DAB1: variants seen among roughly 807,000 people sequenced by gnomAD.
The protein encoded by DAB1 is disabled homolog 1.
A neutral mutation model predicts 64.6 loss-of-function variants in DAB1; 15 were observed. The observed-to-expected ratio is 0.23, with a 90% CI of 0.16 to 0.36. The LOEUF (loss-of-function observed/expected upper bound fraction) is 0.36, where lower values mean the gene tolerates loss of function less well. Among genes scored for constraint, DAB1 ranks in the 10% least tolerant of loss-of-function variants. The probability of loss-of-function intolerance (pLI) is 1.00; values close to 1 mark genes in which losing one functional copy is unlikely to be tolerated. For missense variants in DAB1, 596 were observed against 706.7 expected, an observed-to-expected ratio of 0.84 and a Z score of 1.78; for synonymous variants, 235 against 251.9, an observed-to-expected ratio of 0.93 and a Z score of 0.64.
intron 5 of DAB1, among the ~76,000 whole-genome samples, chr1:58,129,134 A>C (rs908026775): frequency 1.3e-5 from 2 of 150,484 alleles, no homozygotes; most frequent in Non-Finnish European, 1.5e-5. Flanking sequence ...ACAATTTCAG[A>C]TCCTGTTATT....
intron 1 of DAB1, among the ~76,000 whole-genome samples, chr1:57,355,393 C>T (rs768274007): frequency 6.6e-6 from 1 of 151,396 alleles, no homozygotes; most frequent in African/African-American, 2.4e-5. Flanking sequence ...TCCTTCCTTC[C>T]GTCCTTCCGT....
chr1:58,255,381 T>C (rs947300585), intron 4 of DAB1, among the ~76,000 whole-genome samples: 19 of 152,056 alleles, frequency 1.2e-4, no homozygotes, highest in African/African-American at 3.9e-4. Context: ...TTCTTTTCTA[T>C]TGATGATGTC....
rs1644260226 is a variant in DAB1 at position 57,498,975 on chromosome 1, G to A, written n.625+150617C>T. On this transcript the variant is annotated intron_variant and non_coding_transcript_variant, in intron 7 of 20. Coordinates refer to the DAB1 transcript ENST00000485760. ...GCAGATGCCATTAGGTTTATATGGTGTTTTGTTTTGTTTTGTTTTGAGATG... is the reference window on the plus strand; with the variant it reads ...GCAGATGCCATTAGGTTTATATGGTATTTTGTTTTGTTTTGTTTTGAGATG... 1.3e-5 allele frequency among the ~76,000 whole-genome samples: 2 copies of A among 151,924 alleles called. 1 individual carries two copies. Among genetic ancestry groups the A allele is most frequent in the South Asian group, 4.2e-4 (2 of 4,818 alleles).
chr1:58,492,383 A>C (rs1463478823), intron 3 of DAB1, among the ~76,000 whole-genome samples: 1 of 151,806 alleles, frequency 6.6e-6, no homozygotes, highest in African/African-American at 2.4e-5. Context: ...ACACATTCAA[A>C]AGCTAGCAGA....
chr1:58,033,619 C>A (rs893488993), intron 5 of DAB1, among the ~76,000 whole-genome samples: 2 of 152,194 alleles, frequency 1.3e-5, no homozygotes, highest in African/African-American at 4.8e-5. Context: ...CATCTGACTT[C>A]TTCAAAGGTA....
chr1:58,494,349 T>A (rs1247838189), intron 3 of DAB1, among the ~76,000 whole-genome samples: 1 of 152,062 alleles, frequency 6.6e-6, no homozygotes, highest in Non-Finnish European at 1.5e-5. Flanking sequence ...ATTCAGGACA[T>A]AGGCATGGGC....
At chr1:57,138,479 T>G (rs1026507206) in intron 3 of DAB1, among the ~76,000 whole-genome samples, 1 of 152,118 alleles carries the variant, frequency 6.6e-6, no homozygotes, top group Non-Finnish European at 1.5e-5. Flanking sequence ...CTTTCAGCCT[T>G]TCAAAGCTGC....
At chr1:58,424,659 G>C (rs1644804002) in intron 3 of DAB1, among the ~76,000 whole-genome samples, 1 of 152,180 alleles carries the variant, frequency 6.6e-6, no homozygotes. Context: ...CAAGACTGGA[G>C]ACAAGGAGAC....
intron 2 of DAB1, among the ~76,000 whole-genome samples, chr1:57,266,468 CT>C (rs1385769635): frequency 6.6e-6 from 1 of 152,180 alleles, no homozygotes; most frequent in East Asian, 1.9e-4. Context: ...TTCTAATCAA[CT>C]TTTATGATCT....
At chr1:57,194,952 T>C (rs1385007859) in intron 2 of DAB1, among the ~76,000 whole-genome samples, 1 of 152,220 alleles carries the variant, frequency 6.6e-6, no homozygotes, top group African/African-American at 2.4e-5. Flanking sequence ...CACATGCCCA[T>C]TTTATATATG....
intron 2 of DAB1, among the ~76,000 whole-genome samples, chr1:57,197,214 C>T (rs552376838): frequency 7.9e-5 from 12 of 152,072 alleles, no homozygotes; most frequent in African/African-American, 2.2e-4. Flanking sequence ...CATGGTGGCA[C>T]GTGTCTGTAA....
At chr1:57,450,642 C>T (rs1023584237) in intron 7 of DAB1, among the ~76,000 whole-genome samples, 5 of 152,186 alleles carry the variant, frequency 3.3e-5, no homozygotes, top group Admixed American at 1.3e-4. Flanking sequence ...CCATCATGGA[C>T]ATCTCGAATT....
intron 5 of DAB1, among the ~76,000 whole-genome samples, chr1:57,935,427 A>G (rs2102043188): frequency 6.6e-6 from 1 of 152,330 alleles, no homozygotes; most frequent in Admixed American, 6.5e-5. Flanking sequence ...GTCAAGTAGT[A>G]TTATGGTAAT....
chr1:57,974,342 C>T (rs758084608), intron 5 of DAB1, among the ~76,000 whole-genome samples: 1 of 151,984 alleles, frequency 6.6e-6, no homozygotes, highest in Non-Finnish European at 1.5e-5. Context: ...TCTCATCTAC[C>T]TCCCCTCACT....
chr1:58,020,831 C>T (rs1197699944), intron 5 of DAB1, among the ~76,000 whole-genome samples: 1 of 152,034 alleles, frequency 6.6e-6, no homozygotes. Flanking sequence ...AGTGAAACCC[C>T]ATCTCTACTA....
chr1:57,483,732 C>A (rs1644053535), intron 7 of DAB1, among the ~76,000 whole-genome samples: 1 of 152,110 alleles, frequency 6.6e-6, no homozygotes, highest in Non-Finnish European at 1.5e-5. Flanking sequence ...AAATGTCCTG[C>A]TTCCAGTTCT....
At chr1:58,226,888 C>T (rs2100340173) in intron 4 of DAB1, among the ~76,000 whole-genome samples, 2 of 152,276 alleles carry the variant, frequency 1.3e-5, no homozygotes, top group Non-Finnish European at 2.9e-5. Flanking sequence ...GGCACAGTGT[C>T]CACCAATGTC....
intron 4 of DAB1, among the ~76,000 whole-genome samples, chr1:58,195,576 A>C (rs1657632110): frequency 6.6e-6 from 1 of 152,236 alleles, no homozygotes; most frequent in South Asian, 2.1e-4. Context: ...ATCTTCCCTA[A>C]AATAGAGGTA....
chr1:57,926,035 T>A (rs181427006), intron 5 of DAB1, among the ~76,000 whole-genome samples: 1 of 152,322 alleles, frequency 6.6e-6, no homozygotes, highest in African/African-American at 2.4e-5. Context: ...TAAAAATACA[T>A]TACACGATGT....
Sources: gnomAD v4.1 joint callset for allele counts (sites outside exome capture counted in the v4.1 genomes callset) on GRCh38, gnomAD v4.1.1 for gene constraint, MANE v1.5 for transcripts, NCBI Gene and HGNC (gene_info 2026-07-23, HGNC 2026-07-21) for gene names.